The following TNIK variants were observed in gnomAD, a reference collection of about 807,000 sequenced individuals.
The protein encoded by TNIK is TRAF2 and NCK interacting kinase.
In TNIK, 49 loss-of-function variants were observed where a neutral mutation model predicts 191.3. The ratio of observed to expected loss-of-function variants is 0.26; its 90% CI spans 0.20 to 0.32. The LOEUF is 0.32. Ranked by LOEUF, TNIK falls within the 10% of genes least tolerant of loss-of-function variation. The probability of loss-of-function intolerance (pLI) is 1.00; values close to 1 mark genes in which losing one functional copy is unlikely to be tolerated. For missense variants in TNIK, 1,155 were observed against 1,702.3 expected, an observed-to-expected ratio of 0.68 and a Z score of 5.66; for synonymous variants, 594 against 600.9, an observed-to-expected ratio of 0.99 and a Z score of 0.17.
Position 171,203,104 on chromosome 3 carries a change from C to T in TNIK, c.306+8012G>A, listed in dbSNP as rs952734937. Among the ~76,000 whole-genome samples, 7 of 151,894 alleles carry T rather than the reference C, an allele frequency of 4.6e-5. No homozygotes were observed. The East Asian group carries it at 7.7e-4, about 17-fold the overall frequency. ...TTTTTTTTTTTTCCTACAACCTCCACGTCACACAAGGGTGGTTAAATTTTT... is the reference window on the plus strand; with the variant it reads ...TTTTTTTTTTTTCCTACAACCTCCATGTCACACAAGGGTGGTTAAATTTTT... On this transcript the variant is annotated intron_variant, in intron 4 of 32. Coordinates refer to ENST00000436636, the MANE Select transcript of TNIK (RefSeq NM_015028.4).
chr3:171,242,513 ATT>A (rs11444884), intron 2 of TNIK, among the ~76,000 whole-genome samples: 2 of 145,042 alleles, frequency 1.4e-5, no homozygotes, highest in African/African-American at 2.5e-5. Context: ...ATCAATCTGC[ATT>A]TTTTTTTTTT....
intron 3 of TNIK, among the ~76,000 whole-genome samples, chr3:171,219,088 A>T (rs1409928664): frequency 7.9e-6 from 1 of 127,332 alleles, no homozygotes; most frequent in Non-Finnish European, 1.6e-5. Flanking sequence ...TATATTTTAT[A>T]TAAATATATA....
chr3:171,354,673 G>A (rs1713754286), intron 2 of TNIK, among the ~76,000 whole-genome samples: 1 of 152,240 alleles, frequency 6.6e-6, no homozygotes, highest in Admixed American at 6.5e-5. Context: ...TCAACACTGA[G>A]AATGTAGATT....
intron 2 of TNIK, among the ~76,000 whole-genome samples, chr3:171,296,554 G>A (rs577648632): frequency 6.6e-6 from 1 of 152,168 alleles, no homozygotes; most frequent in African/African-American, 2.4e-5. Context: ...GACTGCCAAG[G>A]TTTCAATCCT....
At chr3:171,240,155 T>A (rs1370835912) in intron 2 of TNIK, among the ~76,000 whole-genome samples, 1 of 152,152 alleles carries the variant, frequency 6.6e-6, no homozygotes, top group African/African-American at 2.4e-5. Context: ...TTCCACCACA[T>A]TTTCATGCCT....
At chr3:171,179,229 CTT>C (rs1736340754) in intron 7 of TNIK, among the ~76,000 whole-genome samples, 1 of 152,242 alleles carries the variant, frequency 6.6e-6, no homozygotes, top group African/African-American at 2.4e-5. Context: ...TGTCCCTTCT[CTT>C]TGTTATGTTT....
At chr3:171,250,474 T>C (rs1746100416) in intron 2 of TNIK, among the ~76,000 whole-genome samples, 1 of 152,206 alleles carries the variant, frequency 6.6e-6, no homozygotes. Flanking sequence ...CCAAACCTGA[T>C]AGACTTAAAA....
chr3:171,124,595 C>T (rs1163819265), intron 17 of TNIK, among the ~76,000 whole-genome samples: 3 of 152,088 alleles, frequency 2.0e-5, no homozygotes, highest in Non-Finnish European at 4.4e-5. Context: ...AAGTGTCATC[C>T]TTTGTTTTGA....
chr3:171,166,932 C>T (rs971268288), intron 10 of TNIK, among the ~76,000 whole-genome samples, 163 bp downstream of exon 10: 12 of 152,172 alleles, frequency 7.9e-5, no homozygotes, highest in African/African-American at 2.9e-4. Context: ...TCAATAGTCT[C>T]ACGCCACTGA....
chr3:171,265,988 T>C (rs1210921624), intron 2 of TNIK, among the ~76,000 whole-genome samples: 3 of 152,132 alleles, frequency 2.0e-5, no homozygotes, highest in Non-Finnish European at 4.4e-5. Flanking sequence ...CCAATTCAGA[T>C]ACATGACATG....
chr3:171,235,920 G>A (rs1419244655), intron 2 of TNIK, among the ~76,000 whole-genome samples: 2 of 152,194 alleles, frequency 1.3e-5, no homozygotes, highest in South Asian at 2.1e-4. Context: ...AAAGTTAAAT[G>A]TGAGGGTGTA....
chr3:171,246,091 T>A (rs1745560541), intron 2 of TNIK, among the ~76,000 whole-genome samples: 1 of 151,972 alleles, frequency 6.6e-6, no homozygotes. Context: ...GGAAGACGAG[T>A]GTGCTGCAGG....
chr3:171,444,662 A>G (rs1426070079), intron 1 of TNIK, among the ~76,000 whole-genome samples: 1 of 152,074 alleles, frequency 6.6e-6, no homozygotes, highest in African/African-American at 2.4e-5. Flanking sequence ...AGACTTTTCA[A>G]TTTCAAGTAT....
chr3:171,410,445 G>A (rs994220573), intron 1 of TNIK, among the ~76,000 whole-genome samples: 2 of 152,146 alleles, frequency 1.3e-5, no homozygotes, highest in Admixed American at 6.5e-5. Context: ...TTGCATGGCA[G>A]CTGGTTTCTC....
chr3:171,346,460 A>G (rs1453982905), intron 2 of TNIK, among the ~76,000 whole-genome samples: 2 of 152,112 alleles, frequency 1.3e-5, no homozygotes, highest in African/African-American at 4.8e-5. Context: ...TATTCTTTAA[A>G]TTATTGAGCA....
intron 21 of TNIK, among the ~76,000 whole-genome samples, chr3:171,105,197 A>T (rs75405056): frequency 2.5e-3 from 386 of 152,348 alleles, no homozygotes; most frequent in African/African-American, 8.6e-3. Flanking sequence ...TTGAGAGGGA[A>T]GCCCTACCAA....
intron 2 of TNIK, among the ~76,000 whole-genome samples, chr3:171,242,517 T>A (rs1745109530): frequency 6.6e-6 from 1 of 152,182 alleles, no homozygotes; most frequent in Non-Finnish European, 1.5e-5. Flanking sequence ...ATCTGCATTT[T>A]TTTTTTTTTA....
intron 32 of TNIK, among the ~76,000 whole-genome samples, chr3:171,065,114 C>T (rs1269995482): frequency 6.6e-6 from 1 of 152,200 alleles, no homozygotes; most frequent in Non-Finnish European, 1.5e-5. Context: ...TGGCTTGGAA[C>T]AGCCCTGCTG....
chr3:171,116,194 C>G (rs1726666755), intron 18 of TNIK, among the ~76,000 whole-genome samples: 1 of 152,128 alleles, frequency 6.6e-6, no homozygotes, highest in African/African-American at 2.4e-5. Context: ...ACATTTTTCT[C>G]TCCTTCATTA....
Sources: gnomAD v4.1 joint callset for allele counts (sites outside exome capture counted in the v4.1 genomes callset) on GRCh38, gnomAD v4.1.1 for gene constraint, MANE v1.5 for transcripts, NCBI Gene and HGNC (gene_info 2026-07-23, HGNC 2026-07-21) for gene names.